Variants in MTG2 observed in about 807,000 individuals in gnomAD.
MTG2 encodes mitochondrial ribosome associated GTPase 2.
In MTG2, 23 loss-of-function variants were observed where a neutral mutation model predicts 28.6. The ratio of observed to expected loss-of-function variants is 0.80; its 90% CI spans 0.58 to 1.14. The LOEUF is 1.14. Among genes scored for constraint, MTG2 ranks in the 50% most tolerant of loss-of-function variants. The pLI, the probability that MTG2 is intolerant of heterozygous loss-of-function variation, is 0.00. For synonymous variants in MTG2, 260 were observed against 251.8 expected (o/e 1.03, Z -0.31); for missense variants, 539 against 552.0 (o/e 0.98, Z 0.24).
intron 1 of MTG2, among the ~76,000 whole-genome samples, chr20:62,185,094 G>T (rs1466501124): frequency 2.0e-5 from 3 of 151,864 alleles, no homozygotes; most frequent in African/African-American, 7.3e-5. Flanking sequence ...TGGGCTACAA[G>T]AGTGAAACTC....
chr20:62,183,303 A>C (rs1191256913), intron 1 of MTG2, among the ~76,000 whole-genome samples: 3 of 151,536 alleles, frequency 2.0e-5, no homozygotes, highest in Non-Finnish European at 4.4e-5. Context: ...GTCCTGCCCC[A>C]CTCTCTCCGC....
Position 62,185,432 on chromosome 20 carries a change from TAAAA to T in MTG2, c.-6+2378_-6+2381del, listed in dbSNP as rs201534217. On this transcript the variant is annotated intron_variant, in intron 1 of 6. Transcript: ENST00000370823. ...CTCCAAAAAAAATAAAAATAAAAAA[TAAAA>T]AATAAAATATATACACATACATATA... Among the ~76,000 whole-genome samples the T allele has an allele frequency of 3.3e-5, 5 of 151,422 alleles. 1 individual carries two copies. The highest frequency in any genetic ancestry group is 2.1e-4 in the South Asian group (1 of 4,796).
intron 3 of MTG2, among the ~76,000 whole-genome samples, chr20:62,196,922 C>G (rs1030120226): frequency 1.3e-5 from 2 of 151,708 alleles, no homozygotes; most frequent in Non-Finnish European, 2.9e-5. Context: ...ATCCCAGCTA[C>G]TAGGGAGGCT....
At chr20:62,188,545 G>T (rs116998341) in intron 1 of MTG2, among the ~76,000 whole-genome samples, 509 of 130,684 alleles carry the variant, frequency 3.9e-3, no homozygotes, top group Non-Finnish European at 6.1e-3. Flanking sequence ...TAGACACAAG[G>T]TCTCGCTATT....
intron 1 of MTG2, among the ~76,000 whole-genome samples, chr20:62,188,087 C>T (rs1055611441): frequency 1.1e-4 from 16 of 149,128 alleles, no homozygotes; most frequent in Non-Finnish European, 2.1e-4. Context: ...GCCGAGATCA[C>T]ACCACTGCAC....
Position 62,193,606 on chromosome 20 carries a change from G to C in MTG2, c.186G>C (p.Leu62=). Residue 62 remains leucine (L), a synonymous_variant, in exon 2 of 7, where the codon CTG becomes CTC. Coordinates refer to ENST00000370823, the MANE Select transcript of MTG2 (RefSeq NM_015666.4). ...ATCAGGAACTCCCGGGGAAGAAGCT[G>C]CTCTCTGAGAAAAAGCTGGTGAGAC... ...AKHQELPGKK[L]LSEKKLKRYF... 1.2e-6 allele frequency: 2 copies of C among 1,612,156 alleles called. No homozygotes were observed. Among genetic ancestry groups the C allele is most frequent in the Non-Finnish European group, 1.7e-6 (2 of 1,179,736 alleles).
In MTG2 at chr20:62,200,729, T is replaced by G; in HGVS notation, c.873T>G (p.Gly291=). The change falls in exon 7 of 7, where the codon GGT becomes GGG. Residue 291 remains glycine (G), a synonymous_variant. Coordinates refer to ENST00000370823, the MANE Select transcript of MTG2 (RefSeq NM_015666.4). The part of the protein sequence containing the change: ...GIIRGAHQNR[G]LGSAFLRHIE... ...TACGAGGCGCCCACCAGAACAGGGG[T>G]CTGGGGTCCGCCTTCCTCAGGCACA... 6.2e-7 allele frequency: 1 copy of G among 1,612,878 alleles called. No individual in the cohort carries two copies. Among genetic ancestry groups the G allele is most frequent in the Non-Finnish European group, 8.5e-7 (1 of 1,179,926 alleles).
At position 62,201,385 on chromosome 20, in the gene MTG2, C is replaced by T. The variant is rs983816297; in HGVS notation, c.*308C>T. The T allele has an allele frequency of 4.9e-6, 2 of 406,236 alleles. No homozygotes were observed. The highest frequency in any genetic ancestry group is 9.0e-6 in the Non-Finnish European group (2 of 222,566). The allele number at this position is 406,236 out of a possible 1,614,324, so 25.2% of individuals were successfully genotyped here. ...CATAACGGGGTGGCCCTGCCGCTGA[C>T]TCAGGTCTCCGCCATGCACGCGTGG... On this transcript the variant is annotated 3_prime_UTR_variant, in exon 7 of 7. Coordinates refer to ENST00000370823, the MANE Select transcript of MTG2 (RefSeq NM_015666.4).
In MTG2 at chr20:62,200,774, C is replaced by T; in HGVS notation, c.918C>T (p.Leu306=). 1 of 1,613,870 alleles carries T rather than the reference C, an allele frequency of 6.2e-7. No homozygotes were observed. Among genetic ancestry groups the T allele is most frequent in the Non-Finnish European group, 8.5e-7 (1 of 1,180,042 alleles). The change falls in exon 7 of 7, where the codon CTC becomes CTT. Residue 306 remains leucine, a synonymous_variant. Coordinates refer to ENST00000370823, the MANE Select transcript of MTG2 (RefSeq NM_015666.4). The stretch of plus-strand genomic sequence containing the variant: ...GGCACATCGAGCGCTGCCGCTTTCT[C>T]TTGTTCGTGGTGGATCTTTCTCAGC... The part of the protein sequence containing the change: ...FLRHIERCRF[L]LFVVDLSQPE...
chr20:62,199,760 T>C (rs2058131520), intron 6 of MTG2, among the ~76,000 whole-genome samples: 1 of 139,922 alleles, frequency 7.1e-6, no homozygotes, highest in African/African-American at 2.6e-5. Context: ...AGTGGTGCGA[T>C]CTCAGCTCAC....
chr20:62,194,131 TA>T (rs1426207434), intron 2 of MTG2: 3 of 149,596 alleles, frequency 2.0e-5, no homozygotes, highest in East Asian at 4.0e-4. Flanking sequence ...ATAAAACAAG[TA>T]GGGGGGAATA....
Position 62,201,019 on chromosome 20 carries a change from T to A in MTG2, c.1163T>A (p.Leu388Gln). ...CAGCTGCTGTTGCACCTGAAGGTGC[T>A]GTATGACGCCTACGCGGAGGCCGAG... ...LEQLLLHLKV[L>Q]YDAYAEAELG... The change falls in exon 7 of 7, where the codon CTG becomes CAG. Residue 388 changes from leucine (L) to glutamine (Q), a missense_variant. Leu to Gln is a moderately radical substitution (Grantham distance 113). Coordinates refer to ENST00000370823, the MANE Select transcript of MTG2 (RefSeq NM_015666.4). 1 of 1,612,652 alleles carries A rather than the reference T, an allele frequency of 6.2e-7. No individual in the cohort carries two copies. The highest frequency in any genetic ancestry group is 8.5e-7 in the Non-Finnish European group (1 of 1,179,914).
At chr20:62,198,520 CG>C (rs2058101012) in intron 4 of MTG2, 113 bp from the exon 5 acceptor site, 2 of 1,169,558 alleles carry the variant, frequency 1.7e-6, no homozygotes, top group Non-Finnish European at 2.4e-6. Context: ...GGCAGCTGCC[CG>C]GGGCACAGTC....
rs112442787 is a variant in MTG2, at chr20:62,201,005, G to T, written c.1149G>T (p.Leu383Phe). The T allele has an allele frequency of 1.2e-5, 19 of 1,613,212 alleles. No individual in the cohort carries two copies. The Admixed American group carries it at 2.7e-4, about 23-fold the overall frequency. ...GCGAGAACCTGGAGCAGCTGCTGTT[G>T]CACCTGAAGGTGCTGTATGACGCCT... is the stretch of plus-strand genomic sequence containing the variant. ...LTGENLEQLLLHLKVLYDAYA... is the reference protein window; with the variant it reads ...LTGENLEQLLFHLKVLYDAYA... The change falls in exon 7 of 7, where the codon TTG (leucine) becomes TTT (phenylalanine). Residue 383 changes from leucine (L) to phenylalanine (F), a missense_variant. Transcript: ENST00000370823.
intron 3 of MTG2, 72 bp from the exon 4 acceptor site, chr20:62,197,780 G>C: frequency 1.5e-6 from 2 of 1,332,034 alleles, no homozygotes; most frequent in Non-Finnish European, 2.2e-6. Flanking sequence ...TCTTAAACTG[G>C]ACCCAGACAC....
In MTG2 at chr20:62,193,519, G is replaced by A; in HGVS notation, c.99G>A (p.Arg33=). 1 of 1,614,166 alleles carries A rather than the reference G, an allele frequency of 6.2e-7. No homozygotes were observed. Residue 33 remains arginine, a synonymous_variant, in exon 2 of 7, where the codon CGG becomes CGA. Coordinates refer to ENST00000370823, the MANE Select transcript of MTG2 (RefSeq NM_015666.4). The stretch of plus-strand genomic sequence containing the variant: ...CATGGGCTGGCCTGAAGCCCAGCCG[G>A]CTACTGCCACAGCGGGCTTCTCCCA... The part of the protein sequence containing the change: ...LSTWAGLKPS[R]LLPQRASPRL...
In MTG2 at chr20:62,202,882, ACGCT is replaced by A. The variant is rs766872565; in HGVS notation, c.*1806_*1809del. The A allele has an allele frequency of 4.6e-5, 7 of 152,192 alleles. No homozygotes were observed. Among genetic ancestry groups the A allele is most frequent in the Non-Finnish European group, 7.3e-5 (5 of 68,050 alleles). 9.4% of individuals were successfully genotyped at this position (152,192 alleles called of 1,614,324 possible). On this transcript the variant is annotated 3_prime_UTR_variant, in exon 7 of 7. Coordinates refer to ENST00000370823, the MANE Select transcript of MTG2 (RefSeq NM_015666.4). ...CAAGGGTCCGGGGCCGCGTCTCTGC[ACGCT>A]GGGGTGGGGCGCGCTTTGCACAGCA... is the stretch of plus-strand genomic sequence containing the variant.
Position 62,198,727 on chromosome 20 carries a change from G to A in MTG2, c.562G>A (p.Gly188Arg). The change falls in exon 5 of 7, where the codon GGA (glycine) becomes AGA (arginine). Residue 188 changes from glycine to arginine, a missense_variant. By Grantham distance (125) the Gly-to-Arg change is moderately radical. Coordinates refer to ENST00000370823, the MANE Select transcript of MTG2 (RefSeq NM_015666.4). Reference sequence around the variant, plus strand: ...GTACATTGCCGCGCTGGGCGGGGCAGGAGGGAAAGGCAACCGCTTCTTCCT... The same window carrying A: ...GTACATTGCCGCGCTGGGCGGGGCAAGAGGGAAAGGCAACCGCTTCTTCCT... The part of the protein sequence containing the change: ...DEYIAALGGA[G>R]GKGNRFFLAN... The A allele has an allele frequency of 6.2e-7, 1 of 1,614,182 alleles. No homozygotes were observed. The highest frequency in any genetic ancestry group is 8.5e-7 in the Non-Finnish European group (1 of 1,180,056).
At position 62,200,367 on chromosome 20, in the gene MTG2, CCTCTTTTTTGAATCCTATTAGAAG is replaced by C. The variant is rs1206237573; in HGVS notation, c.827-314_827-291del. On this transcript the variant is annotated intron_variant, in intron 6 of 6. Transcript: ENST00000370823. ...TTAGTAGAGTACAGGCAGCCATTTT[CCTCTTTTTTGAATCCTATTAGAAG>C]CAGAAAGAGAAGGTATGAAATGTAC... The C allele has an allele frequency of 1.8e-5, 5 of 284,766 alleles. No individual in the cohort carries two copies. In the Admixed American group the frequency reaches 1.9e-4, roughly 11 times the overall value. The allele number at this position is 284,766 out of a possible 1,614,324, so 17.6% of individuals were successfully genotyped here.
Sources: gnomAD v4.1 joint callset for allele counts (sites outside exome capture counted in the v4.1 genomes callset) on GRCh38, gnomAD v4.1.1 for gene constraint, MANE v1.5 for transcripts, NCBI Gene and HGNC (gene_info 2026-07-23, HGNC 2026-07-21) for gene names.